The following SLFN11 variants were observed in gnomAD, a reference collection of about 807,000 sequenced individuals.
SLFN11 encodes the protein schlafen family member 11.
A neutral mutation model predicts 53.4 loss-of-function variants in SLFN11; 43 were observed. The ratio of observed to expected loss-of-function variants is 0.80; its 90% CI spans 0.63 to 1.04. SLFN11 has a LOEUF of 1.04. Ranked by LOEUF, SLFN11 falls within the 50% of genes least tolerant of loss-of-function variation. The pLI, the probability that SLFN11 is intolerant of heterozygous loss-of-function variation, is 0.00. For synonymous variants in SLFN11, 389 were observed against 394.7 expected (o/e 0.99, Z 0.17); for missense variants, 990 against 1,079.1 (o/e 0.92, Z 1.16).
chr17:35,368,598 C>A (rs185342345), intron 1 of SLFN11, among the ~76,000 whole-genome samples: 43 of 152,056 alleles, frequency 2.8e-4, no homozygotes, highest in Non-Finnish European at 5.1e-4. Flanking sequence ...CAAGTCCTAG[C>A]CCTGAGCTGA....
chr17:35,351,441 A>G lies in SLFN11; in HGVS notation c.*915T>C, dbSNP rs767578291. 2.0e-5 allele frequency: 3 copies of G among 152,152 alleles called. No homozygotes were observed. Among genetic ancestry groups the G allele is most frequent in the Non-Finnish European group, 4.4e-5 (3 of 68,044 alleles). 9.4% of individuals were successfully genotyped at this position (152,152 alleles called of 1,614,324 possible). ...CCACCAAACCATGAAAGTAAATAGAAAAAAAATCACAGTTCAAGAATAACA... is the reference window on the plus strand; with the variant it reads ...CCACCAAACCATGAAAGTAAATAGAGAAAAAATCACAGTTCAAGAATAACA... On this transcript the variant is annotated 3_prime_UTR_variant, in exon 7 of 7. Transcript: ENST00000685675.
At chr17:35,369,243 T>A (rs1315462905) in intron 1 of SLFN11, among the ~76,000 whole-genome samples, 3 of 151,438 alleles carry the variant, frequency 2.0e-5, no homozygotes, top group Admixed American at 1.3e-4. Flanking sequence ...TCCTGAAGAG[T>A]GAGTCCCAGA....
rs576226207 is a variant in SLFN11, at chr17:35,368,732, C to CCCTT, written c.-234-1036_-234-1033dup. Among the ~76,000 whole-genome samples, 24 of 152,198 alleles carry CCCTT rather than the reference C, an allele frequency of 1.6e-4. No individual in the cohort carries two copies. In the East Asian group the frequency reaches 4.6e-3, roughly 29 times the overall value. ...GTGTGACTCTCAGCTCCAAAAAGAT[C>CCCTT]CCTTCCTTCCATTTGAGGAGAGAAG... is the stretch of plus-strand genomic sequence containing the variant. On this transcript the variant is annotated intron_variant, in intron 1 of 6. Transcript: ENST00000685675.
In SLFN11 at chr17:35,363,756, C is replaced by A; in HGVS notation, c.52G>T (p.Val18Phe). The change falls in exon 4 of 7, where the codon GTC becomes TTC. Residue 18 changes from valine to phenylalanine, a missense_variant. By Grantham distance (50) the Val-to-Phe change is conservative (BLOSUM62 -1). Transcript: ENST00000685675. ...AGAGTCACTTCTCCTACATTGATGA[C>A]CAGGTCTGGGTAAGATGGTTCCACA... ...LVVEPSYPDL[V>F]INVGEVTLGE... is the part of the protein sequence containing the mutation. 1 of 1,611,182 alleles carries A rather than the reference C, an allele frequency of 6.2e-7. No homozygotes were observed. The highest frequency in any genetic ancestry group is 1.3e-5 in the African/African-American group (1 of 74,972).
At chr17:35,370,985 G>T (rs962253763) in intron 1 of SLFN11, among the ~76,000 whole-genome samples, 4 of 151,934 alleles carry the variant, frequency 2.6e-5, no homozygotes, top group African/African-American at 9.7e-5. Flanking sequence ...AATTTATATA[G>T]AACCACAAAA....
Position 35,357,843 on chromosome 17 carries a change from A to T in SLFN11, c.1198+2400T>A, listed in dbSNP as rs575046160. The stretch of plus-strand genomic sequence containing the variant: ...AAAACAAATAAATAATAAAATTAAA[A>T]ATATATAATTATTTATATAATATAT... On this transcript the variant is annotated intron_variant, in intron 5 of 6. Coordinates refer to ENST00000685675, the MANE Select transcript of SLFN11 (RefSeq NM_001376007.1). Among the ~76,000 whole-genome samples the T allele has an allele frequency of 4.6e-4, 67 of 145,366 alleles. 2 individuals carry two copies. The South Asian group carries it at 0.014, about 30-fold the overall frequency.
chr17:35,354,132 A>G (rs1024875311), intron 5 of SLFN11, 73 bp from the exon 6 acceptor site: 2 of 1,300,558 alleles, frequency 1.5e-6, no homozygotes, highest in Admixed American at 5.3e-5. Context: ...ATTATAATTA[A>G]CTAATTGATT....
At chr17:35,360,031 C>A in intron 5 of SLFN11, 1 of 477,968 alleles carries the variant, frequency 2.1e-6, no homozygotes. Flanking sequence ...AAATAATGTT[C>A]CTGGATTCTA....
rs780877481 is a variant in SLFN11 at position 35,352,948 on chromosome 17, A to G, written c.2114T>C (p.Phe705Ser). The change falls in exon 7 of 7, where the codon TTT becomes TCT. Residue 705 changes from phenylalanine (F) to serine (S), a missense_variant. Physicochemically the swap from Phe to Ser is radical, Grantham distance 155 (BLOSUM62 -2). Transcript: ENST00000685675. ...PGILWIFLDY[F>S]QTSHLDCSGL... ...ACTGCAATCCAAGTGGCTGGTCTGA[A>G]AGTAATCCAGAAAGATCCAGAGAAT... The G allele has an allele frequency of 1.9e-6, 3 of 1,614,120 alleles. No individual in the cohort carries two copies. The highest frequency in any genetic ancestry group is 2.5e-6 in the Non-Finnish European group (3 of 1,180,016).
intron 5 of SLFN11, among the ~76,000 whole-genome samples, chr17:35,354,412 T>A (rs1039480908): frequency 2.0e-5 from 3 of 152,142 alleles, no homozygotes; most frequent in African/African-American, 7.2e-5. Context: ...GAAATGTTGG[T>A]TCTCCTCCTC....
At position 35,352,410 on chromosome 17, in the gene SLFN11, A is replaced by G. The variant is rs759143754; in HGVS notation, c.2652T>C (p.Cys884=). Reference sequence around the variant, plus strand: ...GGTGTTGTTTTGCCCTGGAAGCCAGACAGATCAGAACATTGGGTAAGATAG... The same window carrying G: ...GGTGTTGTTTTGCCCTGGAAGCCAGGCAGATCAGAACATTGGGTAAGATAG... ...DPAILPNVLI[C]LASRAKQHLY... The change falls in exon 7 of 7, where the codon TGT becomes TGC. Residue 884 remains cysteine, a synonymous_variant. Coordinates refer to ENST00000685675, the MANE Select transcript of SLFN11 (RefSeq NM_001376007.1). 27 of 1,614,128 alleles carry G rather than the reference A, an allele frequency of 1.7e-5. No individual in the cohort carries two copies. Among genetic ancestry groups the G allele is most frequent in the Non-Finnish European group, 2.1e-5 (25 of 1,180,046 alleles).
chr17:35,362,828 T>C lies in SLFN11; in HGVS notation c.980A>G (p.Glu327Gly), dbSNP rs770498065. 1 of 1,613,660 alleles carries C rather than the reference T, an allele frequency of 6.2e-7. No homozygotes were observed. Among genetic ancestry groups the C allele is most frequent in the South Asian group, 1.1e-5 (1 of 91,062 alleles). Residue 327 changes from glutamate to glycine, a missense_variant, in exon 4 of 7, where the codon GAA becomes GGA. Glu to Gly is a moderately conservative substitution (Grantham distance 98, BLOSUM62 -2). This residue lies in a region of SLFN11 where 521 missense variants were observed against 516.2 expected (regional missense o/e 1.01). Transcript: ENST00000685675. ...CTCCACTATCCATGAATTGGGAGCT[T>C]CTGAGAACACTGCACAGCAGAAGGG... is the stretch of plus-strand genomic sequence containing the variant. ...VNPFCCAVFS[E>G]APNSWIVEDK... is the part of the protein sequence containing the mutation.
chr17:35,360,344 T>A lies in SLFN11; in HGVS notation c.1097A>T (p.Glu366Val). 1 of 1,608,332 alleles carries A rather than the reference T, an allele frequency of 6.2e-7. No individual in the cohort carries two copies. Among genetic ancestry groups the A allele is most frequent in the Non-Finnish European group, 8.5e-7 (1 of 1,178,206 alleles). The change falls in exon 5 of 7, where the codon GAA becomes GTA. Residue 366 changes from glutamate (E) to valine (V), a missense_variant. Coordinates refer to ENST00000685675, the MANE Select transcript of SLFN11 (RefSeq NM_001376007.1). ...PDLLQLSEDFECQLSLSSGPP... is the reference protein window; with the variant it reads ...PDLLQLSEDFVCQLSLSSGPP... ...CCCACTAGATAGACTCAGCTGACAT[T>A]CAAAATCTTCAGACAACTGTAGAAG... is the stretch of plus-strand genomic sequence containing the variant.
rs1332360887 is a variant in SLFN11 at position 35,351,752 on chromosome 17, T to C, written c.*604A>G. On this transcript the variant is annotated 3_prime_UTR_variant, in exon 7 of 7. Coordinates refer to ENST00000685675, the MANE Select transcript of SLFN11 (RefSeq NM_001376007.1). ...TCTGGGCCATTCTGAGAACAAGCTC[T>C]GGAGACCACAATTTTAAAGGATTAA... The C allele has an allele frequency of 1.3e-5, 2 of 152,736 alleles. No individual in the cohort carries two copies. The highest frequency in any genetic ancestry group is 4.8e-5 in the African/African-American group (2 of 41,466). 9.5% of individuals were successfully genotyped at this position (152,736 alleles called of 1,614,324 possible).
intron 5 of SLFN11, 136 bp downstream of exon 5, chr17:35,360,107 G>T (rs1237465306): frequency 6.8e-6 from 6 of 881,594 alleles, no homozygotes; most frequent in Non-Finnish European, 1.0e-5. Context: ...ATCACCAATA[G>T]GATTGTAACA....
chr17:35,362,875 A>G lies in SLFN11; in HGVS notation c.933T>C (p.Tyr311=). Residue 311 remains tyrosine, a synonymous_variant, in exon 4 of 7, where the codon TAT becomes TAC. Coordinates refer to ENST00000685675, the MANE Select transcript of SLFN11 (RefSeq NM_001376007.1). ...AGGGATTTACTCTGATCATGCAAGC[A>G]TAGCCATAGAGCTCTCCCCTTTTTA... is the stretch of plus-strand genomic sequence containing the variant. The part of the protein sequence containing the change: ...NVLKRGELYG[Y]ACMIRVNPFC... The G allele has an allele frequency of 1.2e-6, 2 of 1,614,042 alleles. No homozygotes were observed. The highest frequency in any genetic ancestry group is 8.5e-7 in the Non-Finnish European group (1 of 1,179,976).
intron 1 of SLFN11, among the ~76,000 whole-genome samples, chr17:35,370,012 A>G (rs1404264288): frequency 2.0e-5 from 3 of 152,178 alleles, no homozygotes; most frequent in Non-Finnish European, 2.9e-5. Context: ...AACTCATTCT[A>G]TAAGGCCAGT....
chr17:35,357,901 T>C (rs1272147841), intron 5 of SLFN11, among the ~76,000 whole-genome samples: 1 of 146,334 alleles, frequency 6.8e-6, no homozygotes, highest in Non-Finnish European at 1.5e-5. Context: ...AGTTATATAA[T>C]TATATATTAT....
chr17:35,357,500 T>A (rs1907667104), intron 5 of SLFN11, among the ~76,000 whole-genome samples: 1 of 151,574 alleles, frequency 6.6e-6, no homozygotes, highest in Admixed American at 6.6e-5. Context: ...GTATATGAAG[T>A]AAAGTATGAG....
Sources: gnomAD v4.1 joint callset for allele counts (sites outside exome capture counted in the v4.1 genomes callset) on GRCh38, gnomAD v4.1.1 for gene constraint, gnomAD v4.1.1 regional missense constraint, MANE v1.5 for transcripts, NCBI Gene and HGNC (gene_info 2026-07-23, HGNC 2026-07-21) for gene names.